IGSF9: variants seen among roughly 807,000 people sequenced by gnomAD.
IGSF9 encodes the protein protein turtle homolog A.
IGSF9 carries 87 observed loss-of-function variants against 121.7 expected under a neutral mutation model. The ratio of observed to expected loss-of-function variants is 0.71; its 90% CI spans 0.60 to 0.85. The LOEUF is 0.85. Ranked by LOEUF, IGSF9 falls within the 40% of genes least tolerant of loss-of-function variation. IGSF9 has a pLI of 0.00. For missense variants in IGSF9, 1,462 were observed against 1,565.3 expected (o/e 0.93, Z 1.11); for synonymous variants, 640 against 648.4 (o/e 0.99, Z 0.20).
At chr1:159,935,519 C>T (rs977550164) in intron 6 of IGSF9, among the ~76,000 whole-genome samples, 16 of 152,332 alleles carry the variant, frequency 1.1e-4, no homozygotes, top group South Asian at 4.1e-4. Context: ...GGCCTGGCCG[C>T]GCCACATACC....
Position 159,927,887 on chromosome 1 carries a change from C to T in IGSF9, c.3231G>A (p.Arg1077=), listed in dbSNP as rs747496255. Residue 1077 remains arginine, a splice_region_variant and synonymous_variant, in exon 20 of 21, where the codon AGG becomes AGA. Transcript: ENST00000368094. ...AGTTCTCGTCCACAGATGTGTTCCT[C>T]CTGTAAAAAAAAAAAAAAAGACAAA... The part of the protein sequence containing the change: ...RREHVVTVSK[R]RNTSVDENYE... 11 of 1,475,730 alleles carry T rather than the reference C, an allele frequency of 7.5e-6. No individual in the cohort carries two copies. The East Asian group carries it at 1.7e-4, about 23-fold the overall frequency. 91.4% of individuals were successfully genotyped at this position (1,475,730 alleles called of 1,614,324 possible). A position where few individuals can be genotyped will look rare whatever the true frequency, so the allele number is the denominator to read the frequency against.
At chr1:159,942,899 G>T in intron 3 of IGSF9, 64 bp downstream of exon 3, 3 of 1,429,670 alleles carry the variant, frequency 2.1e-6, no homozygotes, top group South Asian at 2.4e-5. Context: ...GGCCTTGTGC[G>T]ACTCTACCCA....
chr1:159,938,327 C>T lies in IGSF9; in HGVS notation c.248-489G>A, dbSNP rs1651267139. On this transcript the variant is annotated intron_variant, in intron 3 of 20. Coordinates refer to ENST00000368094, the MANE Select transcript of IGSF9 (RefSeq NM_001135050.2). Reference sequence around the variant, plus strand: ...ACCCAGACCCCGCCTGCCAAAGCCCCTAATCCCTCAGGGCTATTATCAGCA... The same window carrying T: ...ACCCAGACCCCGCCTGCCAAAGCCCTTAATCCCTCAGGGCTATTATCAGCA... Among the ~76,000 whole-genome samples the T allele has an allele frequency of 2.0e-5, 3 of 152,300 alleles. No homozygotes were observed. In the South Asian group the frequency reaches 6.2e-4, roughly 32 times the overall value.
At chr1:159,927,609 T>C (rs1650788171) in intron 20 of IGSF9, 83 bp from the exon 21 acceptor site, 1 of 1,549,994 alleles carries the variant, frequency 6.5e-7, no homozygotes. Flanking sequence ...GCTAGGCCCT[T>C]CCAGTACAGA....
rs766797275 is a variant in IGSF9, at chr1:159,936,457, G to A, written c.615C>T (p.Thr205=). 1.9e-6 allele frequency: 3 copies of A among 1,613,912 alleles called. No individual in the cohort carries two copies. Among genetic ancestry groups the A allele is most frequent in the Non-Finnish European group, 2.5e-6 (3 of 1,180,026 alleles). Residue 205 remains threonine, a synonymous_variant, in exon 6 of 21, where the codon ACC becomes ACT. Coordinates refer to ENST00000368094, the MANE Select transcript of IGSF9 (RefSeq NM_001135050.2). The part of the protein sequence containing the change: ...RVERGSSGVY[T]CQASSTEGSA... ...TGCCCTCAGTGCTGGAGGCTTGGCA[G>A]GTGTAGACCCCAGAGCTGCCTCGCT...
chr1:159,941,591 C>T (rs1297345819), intron 3 of IGSF9, among the ~76,000 whole-genome samples: 1 of 152,246 alleles, frequency 6.6e-6, no homozygotes, highest in Non-Finnish European at 1.5e-5. Context: ...GCCTGAGGGA[C>T]CTCAAGGCAG....
chr1:159,927,406 C>T lies in IGSF9; in HGVS notation c.3479G>A (p.Arg1160Lys). ...LAFRRRRDAT[R>K]ARLPAYRQPV... is the part of the protein sequence containing the mutation. ...CTGTCGATAGGCTGGTAGCCGAGCC[C>T]TAGTAGCATCTCGGCGGCGGCGGAA... is the stretch of plus-strand genomic sequence containing the variant. The change falls in exon 21 of 21, where the codon AGG (arginine) becomes AAG (lysine). Residue 1160 changes from arginine (R) to lysine (K), a missense_variant. By Grantham distance (26) the Arg-to-Lys change is conservative. Around this residue, in one of 3 missense-constraint regions of IGSF9, gnomAD observed 808 missense variants for 815.2 expected, o/e 0.99. Coordinates refer to ENST00000368094, the MANE Select transcript of IGSF9 (RefSeq NM_001135050.2). The T allele has an allele frequency of 6.2e-7, 1 of 1,614,000 alleles. No homozygotes were observed. Among genetic ancestry groups the T allele is most frequent in the Non-Finnish European group, 8.5e-7 (1 of 1,180,026 alleles).
chr1:159,927,727 C>G (rs373005622), intron 20 of IGSF9, 33 bp downstream of exon 20: 3 of 1,606,992 alleles, frequency 1.9e-6, no homozygotes, highest in Non-Finnish European at 1.7e-6. Context: ...ACAGTATGGC[C>G]GAGATGCCTG....
At position 159,928,744 on chromosome 1, in the gene IGSF9, G is replaced by T; in HGVS notation, c.2644C>A (p.Arg882=). ...CTGCTGCTGCTACAGTCAAAGGACC[G>T]GGCCAGACGCTGGGCTGGAGTCCGA... is the stretch of plus-strand genomic sequence containing the variant. ...EPRTPAQRLA[R]SFDCSSSSPS... The change falls in exon 19 of 21, where the codon CGG becomes AGG. Residue 882 remains arginine (R), a synonymous_variant. Coordinates refer to ENST00000368094, the MANE Select transcript of IGSF9 (RefSeq NM_001135050.2). 6.8e-7 allele frequency: 1 copy of T among 1,477,996 alleles called. No homozygotes were observed. Among genetic ancestry groups the T allele is most frequent in the Non-Finnish European group, 9.0e-7 (1 of 1,112,068 alleles). 91.6% of individuals were successfully genotyped at this position (1,477,996 alleles called of 1,614,324 possible).
At chr1:159,945,019 G>GC (rs1243374114) in intron 1 of IGSF9, among the ~76,000 whole-genome samples, 1 of 151,188 alleles carries the variant, frequency 6.6e-6, no homozygotes, top group Non-Finnish European at 1.5e-5. Flanking sequence ...AACTCCCCCG[G>GC]CCTCCACTAT....
At chr1:159,938,804 A>C (rs1055912614) in intron 3 of IGSF9, among the ~76,000 whole-genome samples, 24 of 152,198 alleles carry the variant, frequency 1.6e-4, no homozygotes, top group African/African-American at 5.5e-4. Flanking sequence ...GGAGGAGAGA[A>C]ATAATGTAGG....
In IGSF9 at chr1:159,942,988, A is replaced by G. The variant is rs772146158; in HGVS notation, c.222T>C (p.Ser74=). Residue 74 remains serine (S), a synonymous_variant, in exon 3 of 21, where the codon TCT becomes TCC. Coordinates refer to ENST00000368094, the MANE Select transcript of IGSF9 (RefSeq NM_001135050.2). ...LPIFIQFGLY[S]PRIDPDYVGR... is the part of the protein sequence containing the mutation. ...CCACGTAATCAGGGTCAATTCGGGG[A>G]GAGTAGAGGCCGAACTGGATGAAGA... The G allele has an allele frequency of 1.7e-5, 27 of 1,612,962 alleles. No individual in the cohort carries two copies. The highest frequency in any genetic ancestry group is 2.5e-6 in the Non-Finnish European group (3 of 1,179,628).
At chr1:159,941,799 GT>G (rs1222544422) in intron 3 of IGSF9, among the ~76,000 whole-genome samples, 1 of 152,208 alleles carries the variant, frequency 6.6e-6, no homozygotes, top group African/African-American at 2.4e-5. Flanking sequence ...GGGCACAGCC[GT>G]TTTTTTCTCC....
At position 159,927,244 on chromosome 1, in the gene IGSF9, G is replaced by C. The variant is rs1650767847; in HGVS notation, c.*101C>G. 11 of 1,421,490 alleles carry C rather than the reference G, an allele frequency of 7.7e-6. No individual in the cohort carries two copies. Among genetic ancestry groups the C allele is most frequent in the Non-Finnish European group, 1.1e-5 (11 of 1,012,446 alleles). 88.1% of individuals were successfully genotyped at this position (1,421,490 alleles called of 1,614,324 possible). A position where few individuals can be genotyped will look rare whatever the true frequency, so the allele number is the denominator to read the frequency against. On this transcript the variant is annotated 3_prime_UTR_variant, in exon 21 of 21. Transcript: ENST00000368094. ...CAGGGTCTGTGCCTGGGCACCAAAG[G>C]GGCAGGCAGGGGCAGTGCCCTCGTT... is the stretch of plus-strand genomic sequence containing the variant.
chr1:159,931,176 A>T lies in IGSF9; in HGVS notation c.1599T>A (p.Gly533=). ...ANVSWEPGFD[G]GYLQRFSVWY... ...AGACACTGAATCTCTGCAGATAACC[A>T]CCATCAAAGCCAGGCTCCCAGGAGA... Residue 533 remains glycine (G), a synonymous_variant, in exon 13 of 21, where the codon GGT becomes GGA. Coordinates refer to ENST00000368094, the MANE Select transcript of IGSF9 (RefSeq NM_001135050.2). The surrounding 1 kb of genome is among the most constrained non-coding windows in gnomAD (Gnocchi z 4.8). 6.2e-7 allele frequency: 1 copy of T among 1,614,084 alleles called. No homozygotes were observed. The highest frequency in any genetic ancestry group is 8.5e-7 in the Non-Finnish European group (1 of 1,179,982).
chr1:159,932,898 TG>T lies in IGSF9; in HGVS notation c.1105-247del. On this transcript the variant is annotated intron_variant, in intron 9 of 20. Transcript: ENST00000368094. This position sits in a 1 kb window ranked among gnomAD's most constrained non-coding sequence, Gnocchi z 4.1. ...GGGGTGCCACTCACAGAAAATACAC[TG>T]TGAATGGCCACCCCTGTAGTTGGGC... 1 of 441,350 alleles carries T rather than the reference TG, an allele frequency of 2.3e-6. No individual in the cohort carries two copies. The highest frequency in any genetic ancestry group is 4.1e-5 in the East Asian group (1 of 24,638). 27.3% of individuals were successfully genotyped at this position (441,350 alleles called of 1,614,324 possible). A position where few individuals can be genotyped will look rare whatever the true frequency, so the allele number is the denominator to read the frequency against.
In IGSF9 at chr1:159,930,388, G is replaced by C. The variant is rs1206553279; in HGVS notation, c.1865C>G (p.Pro622Arg). ...APGLPPTEIP[P>R]PLSPPRGLVA... ...CAGACCCCGCGGAGGGGACAGGGGAGGCGGTATCTCTGTTGGGGGAAGCCC... is the reference window on the plus strand; with the variant it reads ...CAGACCCCGCGGAGGGGACAGGGGACGCGGTATCTCTGTTGGGGGAAGCCC... The change falls in exon 15 of 21, where the codon CCT (proline) becomes CGT (arginine). Residue 622 changes from proline (P) to arginine (R), a missense_variant. Around this residue, in one of 3 missense-constraint regions of IGSF9, gnomAD observed 808 missense variants for 815.2 expected, o/e 0.99. Coordinates refer to ENST00000368094, the MANE Select transcript of IGSF9 (RefSeq NM_001135050.2). 6.3e-7 allele frequency: 1 copy of C among 1,576,274 alleles called. No individual in the cohort carries two copies. Among genetic ancestry groups the C allele is most frequent in the Non-Finnish European group, 8.6e-7 (1 of 1,159,922 alleles).
At chr1:159,930,567 C>A (rs147127905) in intron 14 of IGSF9, 125 bp downstream of exon 14, 4 of 1,517,090 alleles carry the variant, frequency 2.6e-6, no homozygotes, top group Admixed American at 2.2e-5. Flanking sequence ...CTTCCACACA[C>A]CCCTCTGGAC....
At position 159,936,939 on chromosome 1, in the gene IGSF9, G is replaced by T. The variant is rs765426563; in HGVS notation, c.401-31C>A. On this transcript the variant is annotated intron_variant, in intron 4 of 20. Transcript: ENST00000368094. ...AGGGAGACAGGCATCAGGGGCCCCAGTGGGGCTGTCAGCCCAAAAAGCAGT... is the reference window on the plus strand; with the variant it reads ...AGGGAGACAGGCATCAGGGGCCCCATTGGGGCTGTCAGCCCAAAAAGCAGT... The T allele has an allele frequency of 1.8e-5, 29 of 1,611,492 alleles. 1 individual carries two copies. In the South Asian group the frequency reaches 3.1e-4, roughly 17 times the overall value.
Sources: gnomAD v4.1 joint callset for allele counts (sites outside exome capture counted in the v4.1 genomes callset) on GRCh38, gnomAD v4.1.1 for gene constraint, gnomAD v4.1.1 regional missense constraint, Gnocchi (gnomAD v3.1) non-coding constraint, MANE v1.5 for transcripts, NCBI Gene and HGNC (gene_info 2026-07-23, HGNC 2026-07-21) for gene names.